MCC: variants seen among roughly 807,000 people sequenced by gnomAD.
The protein encoded by MCC is colorectal mutant cancer protein.
Under a neutral mutation model 116.2 loss-of-function variants are expected in MCC, and 90 were observed. The ratio of observed to expected loss-of-function variants is 0.77; its 90% CI spans 0.65 to 0.92. MCC has a LOEUF of 0.92. Ranked by LOEUF, MCC falls within the 40% of genes least tolerant of loss-of-function variation. The pLI is 0.00. For synonymous variants in MCC, 578 were observed against 510.5 expected (o/e 1.13, Z -1.78); for missense variants, 1,516 against 1,312.2 (o/e 1.16, Z -2.40).
At chr5:113,235,280 C>T (rs1424861848) in intron 3 of MCC, among the ~76,000 whole-genome samples, 1 of 152,180 alleles carries the variant, frequency 6.6e-6, no homozygotes, top group Non-Finnish European at 1.5e-5. Context: ...AGAAATGAAT[C>T]AAAGAGGAAT....
intron 1 of MCC, among the ~76,000 whole-genome samples, chr5:113,454,098 C>T (rs913821351): frequency 1.3e-5 from 2 of 151,436 alleles, no homozygotes; most frequent in African/African-American, 2.4e-5. Flanking sequence ...GCAACAAGAG[C>T]GAAACTCTGT....
chr5:113,145,573 T>A (rs1160055248), intron 4 of MCC, among the ~76,000 whole-genome samples: 1 of 152,158 alleles, frequency 6.6e-6, no homozygotes, highest in Non-Finnish European at 1.5e-5. Context: ...AGGGTTTATA[T>A]AGAGAAAGGC....
intron 17 of MCC, 78 bp from the exon 18 acceptor site, chr5:113,029,134 CAGAAAG>C: frequency 1.4e-6 from 2 of 1,441,886 alleles, no homozygotes. Flanking sequence ...GAAGTGGTGA[CAGAAAG>C]AGGAAGGTTT....
intron 8 of MCC, among the ~76,000 whole-genome samples, chr5:113,101,290 G>A (rs558506860): frequency 5.9e-5 from 9 of 151,534 alleles, no homozygotes; most frequent in South Asian, 4.2e-4. Flanking sequence ...CAGGAGAGAC[G>A]ACATTCTATA....
Position 113,417,258 on chromosome 5 carries a change from G to A in MCC, c.171-32046C>T, listed in dbSNP as rs189624808. 4.5e-4 allele frequency among the ~76,000 whole-genome samples: 68 copies of A among 152,204 alleles called. 1 individual carries two copies. In the East Asian group the frequency reaches 0.013, roughly 28 times the overall value. On this transcript the variant is annotated intron_variant, in intron 1 of 18. Coordinates refer to ENST00000408903, the MANE Select transcript of MCC (RefSeq NM_001085377.2). ...GCTGGGATTACAGGCGTGAGCCACC[G>A]CACCCAGCAGTGAATTGCTTTTTTA...
intron 3 of MCC, among the ~76,000 whole-genome samples, chr5:113,185,828 T>C (rs1054643970): frequency 6.6e-6 from 1 of 152,162 alleles, no homozygotes; most frequent in Non-Finnish European, 1.5e-5. Context: ...TGCTGTAGCA[T>C]GACACTCTGC....
intron 13 of MCC, among the ~76,000 whole-genome samples, chr5:113,067,085 T>C (rs892430450): frequency 5.3e-5 from 8 of 152,316 alleles, no homozygotes; most frequent in African/African-American, 1.4e-4. Context: ...TTTTAGCAAA[T>C]GCTGCCGCTT....
intron 3 of MCC, among the ~76,000 whole-genome samples, chr5:113,162,510 TC>T (rs1410083927): frequency 6.6e-6 from 1 of 152,030 alleles, no homozygotes; most frequent in Non-Finnish European, 1.5e-5. Context: ...CTTTTTTTTT[TC>T]CCTGAGACAT....
chr5:113,293,526 C>T (rs1766591317), intron 3 of MCC, among the ~76,000 whole-genome samples: 1 of 152,188 alleles, frequency 6.6e-6, no homozygotes, highest in Admixed American at 6.5e-5. Flanking sequence ...CTACGGGCTT[C>T]TCATCACTTT....
intron 14 of MCC, among the ~76,000 whole-genome samples, chr5:113,055,510 C>T (rs1752774690): frequency 6.6e-6 from 1 of 152,180 alleles, no homozygotes. Flanking sequence ...GAGGAAGAGG[C>T]TACCCTAGGG....
chr5:113,374,588 C>A (rs879704074), intron 2 of MCC, among the ~76,000 whole-genome samples: 1 of 152,110 alleles, frequency 6.6e-6, no homozygotes, highest in African/African-American at 2.4e-5. Flanking sequence ...CTTAAAAATT[C>A]ATTTGAATGG....
At chr5:113,122,948 C>T in intron 5 of MCC, 122 bp from the exon 6 acceptor site, 1 of 988,712 alleles carries the variant, frequency 1.0e-6, no homozygotes, top group Non-Finnish European at 1.5e-6. Flanking sequence ...CCCCAGGCCA[C>T]AGGGACCAGG....
intron 3 of MCC, among the ~76,000 whole-genome samples, chr5:113,210,348 C>A (rs1561459952): frequency 6.6e-6 from 1 of 152,130 alleles, no homozygotes; most frequent in Non-Finnish European, 1.5e-5. Flanking sequence ...TTCTGCTGAA[C>A]TGGGTGGTGG....
chr5:113,245,290 C>CAA (rs560902639), intron 3 of MCC, among the ~76,000 whole-genome samples: 4,883 of 90,794 alleles, frequency 0.054, 179 homozygotes, highest in African/African-American at 0.11. Flanking sequence ...AACTCCATCT[C>CAA]AAAAAAAAAA....
At chr5:113,336,595 G>A (rs1314277873) in intron 3 of MCC, among the ~76,000 whole-genome samples, 1 of 148,094 alleles carries the variant, frequency 6.8e-6, no homozygotes, top group Non-Finnish European at 1.5e-5. Flanking sequence ...CTTAACAGCT[G>A]ATCTGACAAA....
intron 1 of MCC, among the ~76,000 whole-genome samples, chr5:113,465,305 G>C (rs1164885932): frequency 1.3e-5 from 2 of 152,004 alleles, no homozygotes; most frequent in African/African-American, 4.8e-5. Flanking sequence ...TCACATGGAA[G>C]TAGGAAAAAT....
At chr5:113,150,906 A>G (rs189623972) in intron 4 of MCC, among the ~76,000 whole-genome samples, 1 of 152,230 alleles carries the variant, frequency 6.6e-6, no homozygotes, top group East Asian at 1.9e-4. Flanking sequence ...TACAGAAAAT[A>G]CAAAAATTTA....
chr5:113,155,781 G>A (rs1426429460), intron 3 of MCC, among the ~76,000 whole-genome samples: 5 of 152,174 alleles, frequency 3.3e-5, no homozygotes, highest in South Asian at 4.1e-4. Context: ...CTGTGCTAGT[G>A]TCTTCCTCAA....
chr5:113,487,024 T>C (rs1772551340), intron 1 of MCC, among the ~76,000 whole-genome samples: 1 of 152,158 alleles, frequency 6.6e-6, no homozygotes, highest in East Asian at 1.9e-4. Context: ...AATTACATAT[T>C]ATTTTCATTT....
Sources: allele counts gnomAD v4.1 joint callset (sites outside exome capture counted in the v4.1 genomes callset), GRCh38; gene constraint gnomAD v4.1.1; transcripts MANE v1.5; gene names NCBI Gene and HGNC (gene_info 2026-07-23, HGNC 2026-07-21).